DPH6: variants seen among roughly 807,000 people sequenced by gnomAD.
DPH6 encodes the protein diphthamine biosynthesis 6, also known as diphthine--ammonia ligase.
DPH6 carries 33 observed loss-of-function variants against 38.2 expected under a neutral mutation model. That is an observed-to-expected ratio of 0.86 (90% confidence interval 0.65 to 1.15). DPH6 has a LOEUF of 1.15. DPH6 is among the 50% of genes most tolerant of loss of function. DPH6 has a pLI of 0.00. For synonymous variants in DPH6, 108 were observed against 103.0 expected, an observed-to-expected ratio of 1.05 and a Z score of -0.30; for missense variants, 325 against 320.0, an observed-to-expected ratio of 1.02 and a Z score of -0.12.
At position 35,372,183 on chromosome 15, in the gene DPH6, G is replaced by A. The variant is rs943076083; in HGVS notation, c.771C>T (p.Asn257=). The change falls in exon 9 of 9, where the codon AAC becomes AAT. Residue 257 remains asparagine (N), a synonymous_variant. Coordinates refer to ENST00000256538, the MANE Select transcript of DPH6 (RefSeq NM_080650.4). ...LEDKVSSVPD[N]YRTSNYIYNF Reference sequence around the variant, plus strand: ...TATATATATAATTAGATGTTCTGTAGTTGTCAGGCACTGAGGACACCTAAA... The same window carrying A: ...TATATATATAATTAGATGTTCTGTAATTGTCAGGCACTGAGGACACCTAAA... 5.9e-6 allele frequency: 9 copies of A among 1,520,000 alleles called. No individual in the cohort carries two copies. The highest frequency in any genetic ancestry group is 1.8e-4 in the Middle Eastern group (1 of 5,520). The allele number at this position is 1,520,000 out of a possible 1,614,324, so 94.2% of individuals were successfully genotyped here. A position where few individuals can be genotyped will look rare whatever the true frequency, so the allele number is the denominator to read the frequency against.
In DPH6 at chr15:35,534,481, T is replaced by C. The variant is rs190682709; in HGVS notation, c.312+3793A>G. ...AGAGGATATAGGGATGTTACATCTA[T>C]AGAAAGAAAAATAAGTTGTTATTAA... On this transcript the variant is annotated intron_variant, in intron 3 of 8. Coordinates refer to ENST00000256538, the MANE Select transcript of DPH6 (RefSeq NM_080650.4). Among the ~76,000 whole-genome samples, 309 of 151,314 alleles carry C rather than the reference T, an allele frequency of 2.0e-3. 1 individual carries two copies. Among genetic ancestry groups the C allele is most frequent in the African/African-American group, 6.9e-3 (286 of 41,268 alleles).
In DPH6 at chr15:35,263,063, A is replaced by C. The variant is rs182403902; in HGVS notation, n.201-42481T>G. Among the ~76,000 whole-genome samples the C allele has an allele frequency of 6.0e-4, 91 of 152,322 alleles. 2 individuals carry two copies. In the East Asian group the frequency reaches 0.017, roughly 28 times the overall value. ...CTCTATTTGACACCATGAAGAAAAA[A>C]ATACGTGAAAAGTTTCTAATGAAGA... On this transcript the variant is annotated intron_variant and non_coding_transcript_variant, in intron 3 of 3. Transcript: ENST00000560386.
intron 3 of DPH6, among the ~76,000 whole-genome samples, chr15:35,275,364 T>C (rs1275271353): frequency 2.6e-5 from 4 of 152,114 alleles, no homozygotes; most frequent in Non-Finnish European, 5.9e-5. Flanking sequence ...TGGAATACTA[T>C]GCAGCCATAA....
the DPH6 span, among the ~76,000 whole-genome samples, chr15:35,206,379 A>G: frequency 2.0e-5 from 3 of 152,196 alleles, no homozygotes; most frequent in East Asian, 1.9e-4. Context: ...ATATTAGAAC[A>G]TAATTTTAGG....
chr15:35,388,652 ATGG>A (rs2053007100), intron 6 of DPH6, among the ~76,000 whole-genome samples: 2 of 152,078 alleles, frequency 1.3e-5, no homozygotes. Flanking sequence ...GTATTCTCTG[ATGG>A]TAGTTTGTAT....
intron 3 of DPH6, among the ~76,000 whole-genome samples, chr15:35,362,578 T>C (rs934444600): frequency 1.3e-5 from 2 of 152,200 alleles, no homozygotes; most frequent in Admixed American, 1.3e-4. Context: ...TTGTAACTTG[T>C]AGGCATCCAA....
chr15:35,346,276 A>C (rs975513415), intron 3 of DPH6, among the ~76,000 whole-genome samples: 9 of 152,044 alleles, frequency 5.9e-5, no homozygotes, highest in African/African-American at 2.2e-4. Context: ...TAAAATGTGT[A>C]AGTGAAGTCA....
Position 35,303,673 on chromosome 15 carries a change from C to G in DPH6, n.200+69848G>C, listed in dbSNP as rs549225895. 6.0e-5 allele frequency among the ~76,000 whole-genome samples: 9 copies of G among 149,832 alleles called. 1 individual carries two copies. The highest frequency in any genetic ancestry group is 2.2e-4 in the African/African-American group (9 of 40,756). On this transcript the variant is annotated intron_variant and non_coding_transcript_variant, in intron 3 of 3. Coordinates refer to the DPH6 transcript ENST00000560386. ...CAGTTTTGGTGAAGAGAAAATTATT[C>G]AGATCAGTTAGCTCTGGAGTTAAAA...
intron 3 of DPH6, among the ~76,000 whole-genome samples, chr15:35,227,810 T>C (rs968014809): frequency 2.0e-5 from 3 of 152,114 alleles, no homozygotes; most frequent in African/African-American, 7.2e-5. Context: ...TCATACGTTT[T>C]GGTATGATGT....
At chr15:35,390,735 C>T (rs747797716) in intron 6 of DPH6, among the ~76,000 whole-genome samples, 6 of 152,138 alleles carry the variant, frequency 3.9e-5, no homozygotes, top group East Asian at 3.9e-4. Context: ...TTCTAGTTAT[C>T]GATTTGTCTA....
intron 3 of DPH6, among the ~76,000 whole-genome samples, chr15:35,262,916 T>C (rs1218548154): frequency 6.6e-6 from 1 of 152,124 alleles, no homozygotes; most frequent in East Asian, 1.9e-4. Context: ...GAGAGAATCA[T>C]GCAGAATTTT....
chr15:35,378,518 A>T (rs1263400539), intron 7 of DPH6, among the ~76,000 whole-genome samples: 2 of 152,220 alleles, frequency 1.3e-5, no homozygotes, highest in Admixed American at 1.3e-4. Context: ...CTATAAAGAC[A>T]CATGCACATG....
chr15:35,519,151 T>C (rs1418227349), intron 3 of DPH6: 1 of 151,844 alleles, frequency 6.6e-6, no homozygotes, highest in Non-Finnish European at 1.5e-5. Context: ...GCTATCAATA[T>C]ATACAATCAA....
At chr15:35,232,055 A>C (rs1342647362) in intron 3 of DPH6, among the ~76,000 whole-genome samples, 1 of 152,196 alleles carries the variant, frequency 6.6e-6, no homozygotes. Flanking sequence ...TATTACTGGG[A>C]GTGAACTGGA....
intron 3 of DPH6, among the ~76,000 whole-genome samples, chr15:35,244,974 G>T (rs2051625864): frequency 6.6e-6 from 1 of 152,120 alleles, no homozygotes; most frequent in Admixed American, 6.5e-5. Context: ...CCACTGATAG[G>T]TAGAAACATC....
intron 3 of DPH6, among the ~76,000 whole-genome samples, chr15:35,488,116 C>T (rs1029649366): frequency 6.6e-6 from 1 of 152,156 alleles, no homozygotes; most frequent in Non-Finnish European, 1.5e-5. Context: ...TCAGCCCAGA[C>T]TTCATTGTCC....
At chr15:35,500,785 G>T (rs949937248) in intron 3 of DPH6, among the ~76,000 whole-genome samples, 7 of 152,070 alleles carry the variant, frequency 4.6e-5, no homozygotes, top group Non-Finnish European at 7.4e-5. Context: ...TGTTGTTGTT[G>T]TTTTTGAGAT....
intron 3 of DPH6, among the ~76,000 whole-genome samples, chr15:35,468,030 T>C (rs1301536012): frequency 1.3e-5 from 2 of 152,184 alleles, no homozygotes; most frequent in Non-Finnish European, 2.9e-5. Context: ...TAAATAAATA[T>C]CAAATAAATT....
chr15:35,430,082 A>G (rs1270920625), intron 5 of DPH6, among the ~76,000 whole-genome samples: 2 of 152,176 alleles, frequency 1.3e-5, no homozygotes, highest in Non-Finnish European at 2.9e-5. Context: ...AAATCATCAA[A>G]AATGATATTG....
Sources: allele counts gnomAD v4.1 joint callset (sites outside exome capture counted in the v4.1 genomes callset), GRCh38; gene constraint gnomAD v4.1.1; transcripts MANE v1.5; gene names NCBI Gene and HGNC (gene_info 2026-07-23, HGNC 2026-07-21).